TMEM223: variants seen among roughly 807,000 people sequenced by gnomAD.
TMEM223 encodes transmembrane protein 223.
TMEM223 carries 14 observed loss-of-function variants against 14.1 expected under a neutral mutation model. That is an observed-to-expected ratio of 0.99 (90% CI 0.66 to 1.55). The LOEUF (loss-of-function observed/expected upper bound fraction) is 1.55. TMEM223 is among the 40% of genes most tolerant of loss of function. The pLI is 0.00. For synonymous variants in TMEM223, 145 were observed against 120.5 expected, an observed-to-expected ratio of 1.20 and a Z score of -1.33; for missense variants, 346 against 269.9, an observed-to-expected ratio of 1.28 and a Z score of -1.97.
chr11:62,787,916 G>C (rs1486761002), downstream of TMEM223: 2 of 512,924 alleles, frequency 3.9e-6, no homozygotes, highest in African/African-American at 3.8e-5. Flanking sequence ...GTGTAGTGGA[G>C]ATGATCAAGC....
chr11:62,789,743 GTGTAT>G, downstream of TMEM223: 1 of 1,507,220 alleles, frequency 6.6e-7, no homozygotes, highest in South Asian at 1.3e-5. Context: ...GTGCTCACCA[GTGTAT>G]TGTGAGCTTG....
At chr11:62,782,302 G>T (rs2084236071) in intron 1 of TMEM223, 1 of 1,613,950 alleles carries the variant, frequency 6.2e-7, no homozygotes, top group Admixed American at 1.7e-5. Flanking sequence ...TCTGCGGGAT[G>T]GGGCTGCCCT....
chr11:62,783,842 G>A (rs1390062694), downstream of TMEM223, among the ~76,000 whole-genome samples: 4 of 151,028 alleles, frequency 2.6e-5, no homozygotes, highest in East Asian at 6.0e-4. Context: ...CGATTATGTG[G>A]TTTAATATGA....
At chr11:62,780,667 C>T (rs908056728) in intron 1 of TMEM223, among the ~76,000 whole-genome samples, 3 of 151,982 alleles carry the variant, frequency 2.0e-5, no homozygotes, top group African/African-American at 4.8e-5. Context: ...CGGTGGTTCA[C>T]GCCTGTAATC....
At chr11:62,791,561 G>A (rs2084361140) in intron 1 of TMEM223, 118 bp downstream of exon 1, 1 of 1,262,918 alleles carries the variant, frequency 7.9e-7, no homozygotes, top group East Asian at 2.6e-5. Flanking sequence ...ACATTTCTGT[G>A]GGGTAAAGCC....
chr11:62,775,528 C>A, intron 1 of TMEM223: 1 of 431,434 alleles, frequency 2.3e-6, no homozygotes. Context: ...GGTGACAGGG[C>A]AGGAATGGGA....
chr11:62,786,851 C>T (rs1304915689), downstream of TMEM223: 2 of 1,595,648 alleles, frequency 1.3e-6, no homozygotes, highest in African/African-American at 1.3e-5. Context: ...AAGAAGGAGC[C>T]GGCGGCAGCC....
downstream of TMEM223, among the ~76,000 whole-genome samples, chr11:62,788,289 G>A (rs888568585): frequency 2.6e-5 from 4 of 152,158 alleles, no homozygotes; most frequent in African/African-American, 9.7e-5. Context: ...TGTAATCCCA[G>A]CTACTTCGGA....
rs769881060 is a variant in TMEM223, at chr11:62,791,991, C to T, written c.4G>A (p.Ala2Thr). 7.2e-6 allele frequency: 11 copies of T among 1,529,122 alleles called. No homozygotes were observed. The South Asian group carries it at 1.2e-4, about 17-fold the overall frequency. 94.7% of individuals were successfully genotyped at this position (1,529,122 alleles called of 1,614,324 possible). A position where few individuals can be genotyped will look rare whatever the true frequency, so the allele number is the denominator to read the frequency against. The part of the protein sequence containing the change: M[A>T]APWRRWPTGL... ...GTGGGCCATCGCCTCCAAGGCGCCG[C>T]CATGGCCAGCCGACTTCCGGGGTGG... The change falls in exon 1 of 2, where the codon GCG becomes ACG. Residue 2 changes from alanine to threonine, a missense_variant. By Grantham distance (58) the Ala-to-Thr change is moderately conservative (BLOSUM62 0). Transcript: ENST00000307366.
downstream of TMEM223, chr11:62,786,960 G>C (rs1012656813): frequency 2.1e-5 from 30 of 1,447,570 alleles, no homozygotes; most frequent in Non-Finnish European, 2.6e-5. Context: ...GCGGCCCCGC[G>C]TCGGCCTCTG....
At position 62,791,733 on chromosome 11, in the gene TMEM223, C is replaced by A; in HGVS notation, c.262G>T (p.Asp88Tyr). 1 of 1,558,750 alleles carries A rather than the reference C, an allele frequency of 6.4e-7. No homozygotes were observed. The highest frequency in any genetic ancestry group is 8.7e-7 in the Non-Finnish European group (1 of 1,151,756). ...DAEVPNRGPF[D>Y]LRSALWRYGL... ...TAGCGCCAGAGCGCGGAGCGCAGGT[C>A]GAAGGGGCCACGATTTGGGACCTCC... Residue 88 changes from aspartate to tyrosine, a missense_variant, in exon 1 of 2, where the codon GAC becomes TAC. Coordinates refer to ENST00000307366, the MANE Select transcript of TMEM223 (RefSeq NM_001080501.3).
At chr11:62,791,061 C>T (rs2084355668) in intron 1 of TMEM223, 146 bp from the exon 2 acceptor site, 9 of 849,554 alleles carry the variant, frequency 1.1e-5, no homozygotes, top group South Asian at 3.9e-5. Context: ...CTCACTCTGC[C>T]GGCCAGGCTG....
rs1422154165 is a variant in TMEM223, at chr11:62,791,817, C to T, written c.178G>A (p.Ala60Thr). The change falls in exon 1 of 2, where the codon GCT (alanine) becomes ACT (threonine). Residue 60 changes from alanine to threonine, a missense_variant. By Grantham distance (58) the Ala-to-Thr change is moderately conservative. Transcript: ENST00000307366. ...LFCAGQGVFW[A>T]SMAVAAVSRP... ...GACACGGCTGCCACAGCCATGGAAG[C>T]CCAGAAGACGCCCTGGCCCGCGCAG... The T allele has an allele frequency of 1.2e-5, 19 of 1,584,400 alleles. No homozygotes were observed. Among genetic ancestry groups the T allele is most frequent in the Non-Finnish European group, 1.5e-5 (18 of 1,166,284 alleles).
intron 1 of TMEM223, chr11:62,777,908 C>G: frequency 6.4e-7 from 1 of 1,563,418 alleles, no homozygotes. Flanking sequence ...GTCAGTGGAG[C>G]CTCATCCTGG....
Position 62,792,004 on chromosome 11 carries a change from A to G in TMEM223, c.-10T>C. The G allele has an allele frequency of 6.6e-7, 1 of 1,513,210 alleles. No individual in the cohort carries two copies. 93.7% of individuals were successfully genotyped at this position (1,513,210 alleles called of 1,614,324 possible). ...TCCAAGGCGCCGCCATGGCCAGCCG[A>G]CTTCCGGGGTGGGGCTTCCTGCCGC... is the stretch of plus-strand genomic sequence containing the variant. On this transcript the variant is annotated 5_prime_UTR_variant, in exon 1 of 2. Coordinates refer to ENST00000307366, the MANE Select transcript of TMEM223 (RefSeq NM_001080501.3).
At chr11:62,776,000 G>A (rs756123618) in intron 1 of TMEM223, 855 of 1,517,946 alleles carry the variant, frequency 5.6e-4, no homozygotes, top group Non-Finnish European at 6.8e-4. Context: ...CTCCACCCTC[G>A]CTGATTTATT....
downstream of TMEM223, chr11:62,786,740 C>A: frequency 6.2e-7 from 1 of 1,613,192 alleles, no homozygotes; most frequent in South Asian, 1.1e-5. Flanking sequence ...GTGACCCTGG[C>A]CGACATCTAC....
downstream of TMEM223, chr11:62,787,900 AG>A: frequency 1.9e-6 from 1 of 532,016 alleles, no homozygotes; most frequent in South Asian, 1.5e-5. Flanking sequence ...CGAGAAATAA[AG>A]CATAGTGTAG....
rs191185283 is a variant in TMEM223 at position 62,781,500 on chromosome 11, C to T, written c.315-6835G>A. ...CATCCTGGCTAACACGGTGAAACCC[C>T]GTCTCTACTAAAAAATAGAAAAAAT... On this transcript the variant is annotated intron_variant, in intron 1 of 2. Transcript: ENST00000528367. Among the ~76,000 whole-genome samples the T allele has an allele frequency of 1.1e-3, 170 of 151,618 alleles. 3 individuals are homozygous for T. Among genetic ancestry groups the T allele is most frequent in the African/African-American group, 3.8e-3 (157 of 41,378 alleles).
Sources: gnomAD v4.1 joint callset for allele counts (sites outside exome capture counted in the v4.1 genomes callset) on GRCh38, gnomAD v4.1.1 for gene constraint, MANE v1.5 for transcripts, NCBI Gene and HGNC (gene_info 2026-07-23, HGNC 2026-07-21) for gene names.